ZDHHC14: variants seen among roughly 807,000 people sequenced by gnomAD.
ZDHHC14 encodes zDHHC palmitoyltransferase 14.
In ZDHHC14, 16 loss-of-function variants were observed where a neutral mutation model predicts 47.7. The ratio of observed to expected loss-of-function variants is 0.34; its 90% confidence interval spans 0.23 to 0.51. ZDHHC14 has a LOEUF of 0.51. Ranked by LOEUF, ZDHHC14 falls within the 20% of genes least tolerant of loss-of-function variation. ZDHHC14 has a pLI of 0.97. For missense variants in ZDHHC14, 515 were observed against 662.5 expected (o/e 0.78, Z 2.44); for synonymous variants, 293 against 278.9 (o/e 1.05, Z -0.50).
chr6:157,398,796 G>A (rs532401037), intron 1 of ZDHHC14, among the ~76,000 whole-genome samples: 54 of 152,234 alleles, frequency 3.5e-4, no homozygotes, highest in South Asian at 6.2e-4. Flanking sequence ...GAATTCTGTC[G>A]TTATAATGAC....
chr6:157,623,346 C>A (rs746295920), intron 3 of ZDHHC14, among the ~76,000 whole-genome samples: 4 of 152,090 alleles, frequency 2.6e-5, no homozygotes, highest in Non-Finnish European at 4.4e-5. Context: ...CTTCCCCCTT[C>A]ACTTGCCTCT....
At chr6:157,579,810 A>G (rs1286914307) in intron 2 of ZDHHC14, among the ~76,000 whole-genome samples, 1 of 152,178 alleles carries the variant, frequency 6.6e-6, no homozygotes, top group Non-Finnish European at 1.5e-5. Context: ...GGTTTTCCAG[A>G]TATAGAATTA....
At chr6:157,625,713 C>T (rs925847173) in intron 3 of ZDHHC14, among the ~76,000 whole-genome samples, 3 of 151,802 alleles carry the variant, frequency 2.0e-5, no homozygotes, top group African/African-American at 7.3e-5. Flanking sequence ...GACTCATTAC[C>T]ACCATAAACT....
chr6:157,583,500 T>C (rs199688523), intron 2 of ZDHHC14, among the ~76,000 whole-genome samples: 6 of 152,102 alleles, frequency 3.9e-5, no homozygotes, highest in South Asian at 4.1e-4. Context: ...TTTTTTTTTT[T>C]GTTGGTTCGT....
At chr6:157,465,105 CTTTTTT>C (rs772080368) in intron 1 of ZDHHC14, among the ~76,000 whole-genome samples, 9 of 102,010 alleles carry the variant, frequency 8.8e-5, no homozygotes, top group African/African-American at 2.7e-4. Context: ...TCTCTTTCTC[CTTTTTT>C]TTTTTTTTTT....
intron 7 of ZDHHC14, among the ~76,000 whole-genome samples, chr6:157,650,360 G>T (rs1256094329): frequency 6.6e-6 from 1 of 152,056 alleles, no homozygotes; most frequent in East Asian, 1.9e-4. Context: ...TGTCAGGAGT[G>T]GGGGGCGAAG....
chr6:157,627,921 T>A (rs889699704), intron 3 of ZDHHC14, among the ~76,000 whole-genome samples: 2 of 152,178 alleles, frequency 1.3e-5, no homozygotes, highest in Non-Finnish European at 2.9e-5. Flanking sequence ...CTATGGCCAT[T>A]TACTATGCAA....
chr6:157,417,265 T>C (rs1778002051), intron 1 of ZDHHC14, among the ~76,000 whole-genome samples: 1 of 152,320 alleles, frequency 6.6e-6, no homozygotes, highest in South Asian at 2.1e-4. Context: ...GATGTCCTTA[T>C]GCATCTGCTC....
chr6:157,437,182 G>C (rs1778457863), intron 1 of ZDHHC14, among the ~76,000 whole-genome samples: 1 of 152,236 alleles, frequency 6.6e-6, no homozygotes, highest in Non-Finnish European at 1.5e-5. Context: ...ATCCGTGAGA[G>C]CACTGGGGGC....
intron 1 of ZDHHC14, among the ~76,000 whole-genome samples, chr6:157,446,973 G>C (rs946880234): frequency 1.1e-4 from 16 of 152,006 alleles, no homozygotes; most frequent in Non-Finnish European, 1.3e-4. Flanking sequence ...ACAAAAATTA[G>C]CCAGGTGTGG....
rs184946136 is a variant in ZDHHC14, at chr6:157,432,463, G to A, written c.245+50197G>A. Reference sequence around the variant, plus strand: ...TGGTTGCCCGGGGCTGCTTTGGAGAGGTAAGTAGTTGTGCCAATGGTGTGA... The same window carrying A: ...TGGTTGCCCGGGGCTGCTTTGGAGAAGTAAGTAGTTGTGCCAATGGTGTGA... On this transcript the variant is annotated intron_variant, in intron 1 of 8. Transcript: ENST00000359775. Among the ~76,000 whole-genome samples, 16 of 152,284 alleles carry A rather than the reference G, an allele frequency of 1.1e-4. No individual in the cohort carries two copies. The East Asian group carries it at 2.9e-3, about 28-fold the overall frequency.
chr6:157,565,477 C>T (rs1782865683), intron 2 of ZDHHC14, among the ~76,000 whole-genome samples: 1 of 152,118 alleles, frequency 6.6e-6, no homozygotes, highest in Admixed American at 6.5e-5. Flanking sequence ...GATTCAGTCA[C>T]ATGCATATTG....
intron 8 of ZDHHC14, 22 bp from the exon 9 acceptor site, chr6:157,672,702 G>A (rs997337256): frequency 1.5e-6 from 2 of 1,317,846 alleles, no homozygotes; most frequent in Non-Finnish European, 2.0e-6. Context: ...CCTTCTCTTT[G>A]CTGGCGCCTC....
At position 157,386,318 on chromosome 6, in the gene ZDHHC14, G is replaced by A. The variant is rs142152569; in HGVS notation, c.245+4052G>A. ...GCCCAAGAGTTCGAGACCAGCCTGG[G>A]CAACATAGTGAGACCCCATCTCTAA... is the stretch of plus-strand genomic sequence containing the variant. On this transcript the variant is annotated intron_variant, in intron 1 of 8. Transcript: ENST00000359775. Among the ~76,000 whole-genome samples, 772 of 152,146 alleles carry A rather than the reference G, an allele frequency of 5.1e-3. 3 individuals carry two copies. The highest frequency in any genetic ancestry group is 8.8e-3 in the Non-Finnish European group (597 of 67,988).
chr6:157,557,220 G>C (rs1017695646), intron 2 of ZDHHC14, among the ~76,000 whole-genome samples: 1 of 152,354 alleles, frequency 6.6e-6, no homozygotes, highest in Non-Finnish European at 1.5e-5. Context: ...TGTAGCAGGA[G>C]AGGAGGATTT....
At chr6:157,487,119 TC>T (rs1779799763) in intron 1 of ZDHHC14, among the ~76,000 whole-genome samples, 1 of 152,204 alleles carries the variant, frequency 6.6e-6, no homozygotes, top group African/African-American at 2.4e-5. Flanking sequence ...CCTCTCTGTC[TC>T]CCCACGCTGT....
intron 2 of ZDHHC14, among the ~76,000 whole-genome samples, chr6:157,554,084 G>A (rs375878897): frequency 6.6e-6 from 1 of 152,204 alleles, no homozygotes; most frequent in Non-Finnish European, 1.5e-5. Flanking sequence ...AAGCTTTCTA[G>A]GAGAAAACAC....
At position 157,673,186 on chromosome 6, in the gene ZDHHC14, G is replaced by A. The variant is rs1400272996; in HGVS notation, c.*64G>A. 4 of 1,479,524 alleles carry A rather than the reference G, an allele frequency of 2.7e-6. No homozygotes were observed. The African/African-American group carries it at 5.8e-5, about 21-fold the overall frequency. The allele number at this position is 1,479,524 out of a possible 1,614,324, so 91.6% of individuals were successfully genotyped here. A position where few individuals can be genotyped will look rare whatever the true frequency, so the allele number is the denominator to read the frequency against. ...CCATGGGCAGCAGGAGTGAGCGGAG[G>A]GGTGTGTCCCACAGCGACTTTCCCA... On this transcript the variant is annotated 3_prime_UTR_variant, in exon 9 of 9. Transcript: ENST00000359775. The surrounding 1 kb of genome is among the most constrained non-coding windows in gnomAD (Gnocchi z 5.4).
intron 2 of ZDHHC14, among the ~76,000 whole-genome samples, chr6:157,575,904 C>T (rs1783287727): frequency 6.6e-6 from 1 of 152,256 alleles, no homozygotes; most frequent in African/African-American, 2.4e-5. Flanking sequence ...TGGGCTGGAA[C>T]ACCATGTTTC....
Sources: gnomAD v4.1 joint callset for allele counts (sites outside exome capture counted in the v4.1 genomes callset) on GRCh38, gnomAD v4.1.1 for gene constraint, Gnocchi (gnomAD v3.1) non-coding constraint, MANE v1.5 for transcripts, NCBI Gene and HGNC (gene_info 2026-07-23, HGNC 2026-07-21) for gene names.